CHKA: variants seen among roughly 807,000 people sequenced by gnomAD.
The protein encoded by CHKA is CHETK-alpha.
CHKA carries 34 observed loss-of-function variants against 60.1 expected under a neutral mutation model. That is an observed-to-expected ratio of 0.57 (90% CI 0.43 to 0.75). CHKA has a LOEUF of 0.75. CHKA is among the 30% of genes least tolerant of loss of function. CHKA has a pLI of 0.00. For missense variants in CHKA, 563 were observed against 561.3 expected (o/e 1.00, Z -0.03); for synonymous variants, 217 against 223.1 (o/e 0.97, Z 0.24).
chr11:68,083,824 C>T (rs918872169), intron 2 of CHKA, among the ~76,000 whole-genome samples: 2 of 152,160 alleles, frequency 1.3e-5, no homozygotes, highest in Non-Finnish European at 1.5e-5. Context: ...TCTGTTTCCT[C>T]AGTACAGAAT....
At chr11:68,092,682 C>CA (rs1857386863) in intron 2 of CHKA, among the ~76,000 whole-genome samples, 1 of 152,170 alleles carries the variant, frequency 6.6e-6, no homozygotes, top group Admixed American at 6.5e-5. Flanking sequence ...CAACAGTCTC[C>CA]AATGGCCATT....
chr11:68,111,286 C>T (rs1205172949), intron 1 of CHKA, among the ~76,000 whole-genome samples: 1 of 152,028 alleles, frequency 6.6e-6, no homozygotes, highest in Non-Finnish European at 1.5e-5. Flanking sequence ...GTGGTGGGCG[C>T]CTGTAACCCC....
Position 68,065,114 on chromosome 11 carries a change from C to T in CHKA, c.1126-483G>A, listed in dbSNP as rs535779592. 7.2e-5 allele frequency among the ~76,000 whole-genome samples: 11 copies of T among 152,264 alleles called. No homozygotes were observed. In the East Asian group the frequency reaches 2.1e-3, roughly 29 times the overall value. ...TGTTAACACCAAAGATATTTCCTCC[C>T]ACTACTAAACCCTGGTGCCCGAAAG... On this transcript the variant is annotated intron_variant, in intron 9 of 11. Transcript: ENST00000265689.
intron 11 of CHKA, among the ~76,000 whole-genome samples, chr11:68,056,470 G>T (rs1856019915): frequency 6.6e-6 from 1 of 152,202 alleles, no homozygotes; most frequent in Admixed American, 6.5e-5. Context: ...GCTAGGTTTA[G>T]ATCACACCTT....
At chr11:68,061,512 G>A (rs965492971) in intron 11 of CHKA, 64 of 250,342 alleles carry the variant, frequency 2.6e-4, no homozygotes, top group South Asian at 8.3e-4. Context: ...ACCCAAAGTC[G>A]GGCACTACAG....
intron 2 of CHKA, 169 bp from the exon 3 acceptor site, chr11:68,081,626 G>A (rs1312168631): frequency 1.7e-6 from 1 of 580,542 alleles, no homozygotes; most frequent in Non-Finnish European, 3.1e-6. Flanking sequence ...GCAGCCTCCA[G>A]CACTAGTACC....
At chr11:68,112,911 T>C (rs971676644) in intron 1 of CHKA, among the ~76,000 whole-genome samples, 2 of 151,090 alleles carry the variant, frequency 1.3e-5, no homozygotes, top group Non-Finnish European at 3.0e-5. Context: ...TGAAACCCCA[T>C]CTCTACTAAA....
At position 68,121,100 on chromosome 11, in the gene CHKA, G is replaced by T; in HGVS notation, c.78C>A (p.Ser26Arg). The change falls in exon 1 of 12, where the codon AGC (serine) becomes AGA (arginine). Residue 26 changes from serine (S) to arginine (R), a missense_variant. Transcript: ENST00000265689. ...LGLLLSCGSG[S>R]AAPAPGVGQQ... Reference sequence around the variant, plus strand: ...GCCCCACGCCGGGCGCCGGGGCCGCGCTGCCGCTACCGCAGCTCAGCAGCA... The same window carrying T: ...GCCCCACGCCGGGCGCCGGGGCCGCTCTGCCGCTACCGCAGCTCAGCAGCA... 1 of 1,156,046 alleles carries T rather than the reference G, an allele frequency of 8.7e-7. No homozygotes were observed. Among genetic ancestry groups the T allele is most frequent in the South Asian group, 3.1e-5 (1 of 32,006 alleles). 71.6% of individuals were successfully genotyped at this position (1,156,046 alleles called of 1,614,324 possible). A position where few individuals can be genotyped will look rare whatever the true frequency, so the allele number is the denominator to read the frequency against.
rs1037643755 is a variant in CHKA, at chr11:68,069,044, C to T, written c.870-107G>A. ...CAAATTCGTGCTCCAAAGCAACACACAGTTTCAGAGTAGTATCTGTGATGT... is the reference window on the plus strand; with the variant it reads ...CAAATTCGTGCTCCAAAGCAACACATAGTTTCAGAGTAGTATCTGTGATGT... On this transcript the variant is annotated intron_variant, in intron 6 of 11. Transcript: ENST00000265689. 26 of 760,870 alleles carry T rather than the reference C, an allele frequency of 3.4e-5. No homozygotes were observed. In the African/African-American group the frequency reaches 4.5e-4, roughly 13 times the overall value. 47.1% of individuals were successfully genotyped at this position (760,870 alleles called of 1,614,324 possible).
chr11:68,063,369 A>G (rs1054592230), intron 10 of CHKA, among the ~76,000 whole-genome samples: 3 of 152,044 alleles, frequency 2.0e-5, no homozygotes, highest in Non-Finnish European at 4.4e-5. Flanking sequence ...GCATGGTGGT[A>G]CGTGCCTGTA....
At chr11:68,074,904 G>C in intron 3 of CHKA, 74 bp from the exon 4 acceptor site, 1 of 1,292,252 alleles carries the variant, frequency 7.7e-7, no homozygotes. Flanking sequence ...CACTCTCACA[G>C]GAGTGTTTCA....
In CHKA at chr11:68,084,400, ACG is replaced by A. The variant is rs1167941112; in HGVS notation, c.463-2945_463-2944del. On this transcript the variant is annotated intron_variant, in intron 2 of 11. Coordinates refer to ENST00000265689, the MANE Select transcript of CHKA (RefSeq NM_001277.3). ...TATGTGTATATATATACACACATATACGTATATATGTGTATATATATATACAC... is the reference window on the plus strand; with the variant it reads ...TATGTGTATATATATACACACATATATATATATGTGTATATATATATACAC... Among the ~76,000 whole-genome samples, 52 of 109,802 alleles carry A rather than the reference ACG, an allele frequency of 4.7e-4. 1 individual carries two copies. The highest frequency in any genetic ancestry group is 1.2e-3 in the Admixed American group (12 of 9,958). 72.0% of individuals were successfully genotyped at this position (109,802 alleles called of 152,430 possible).
chr11:68,075,021 G>C (rs1231463593), intron 3 of CHKA, among the ~76,000 whole-genome samples, 191 bp from the exon 4 acceptor site: 4 of 152,184 alleles, frequency 2.6e-5, no homozygotes, highest in African/African-American at 9.7e-5. Flanking sequence ...GTCATTTGCA[G>C]GATTCATGCT....
intron 2 of CHKA, among the ~76,000 whole-genome samples, chr11:68,087,373 T>C (rs1161478578): frequency 1.3e-5 from 2 of 151,922 alleles, no homozygotes. Flanking sequence ...TCTCAGCTAC[T>C]TGGAAGGCTG....
chr11:68,084,538 T>C (rs1190789206), intron 2 of CHKA, among the ~76,000 whole-genome samples: 2 of 150,614 alleles, frequency 1.3e-5, no homozygotes, highest in African/African-American at 2.4e-5. Context: ...TATAAATATT[T>C]AGTATGACAT....
intron 11 of CHKA, among the ~76,000 whole-genome samples, chr11:68,054,897 GCACATAAATGC>G (rs957390278): frequency 6.6e-6 from 1 of 152,154 alleles, no homozygotes; most frequent in Non-Finnish European, 1.5e-5. Flanking sequence ...TCCTAGAGTA[GCACATAAATGC>G]CACTATACAA....
chr11:68,065,539 A>C (rs1041131307), intron 9 of CHKA, among the ~76,000 whole-genome samples: 1 of 152,070 alleles, frequency 6.6e-6, no homozygotes, highest in African/African-American at 2.4e-5. Context: ...ATCTCTACAA[A>C]AAATACAAAC....
chr11:68,063,919 CTG>C (rs1158188925), intron 10 of CHKA, among the ~76,000 whole-genome samples: 1 of 152,204 alleles, frequency 6.6e-6, no homozygotes, highest in African/African-American at 2.4e-5. Flanking sequence ...CCATGCAGAA[CTG>C]TGAGTCAATT....
rs78256693 is a variant in CHKA, at chr11:68,097,179, A to G, written c.351-49T>C. 818 of 1,406,682 alleles carry G rather than the reference A, an allele frequency of 5.8e-4. 5 individuals carry two copies. In the African/African-American group the frequency reaches 9.2e-3, roughly 16 times the overall value. 87.1% of individuals were successfully genotyped at this position (1,406,682 alleles called of 1,614,324 possible). A position where few individuals can be genotyped will look rare whatever the true frequency, so the allele number is the denominator to read the frequency against. On this transcript the variant is annotated intron_variant, in intron 1 of 11. Transcript: ENST00000265689. ...AGTATCTTTATTGCAGGTGAGCTAA[A>G]TCACTCTTCTTGGATAAATATGGAT...
Sources: allele counts gnomAD v4.1 joint callset (sites outside exome capture counted in the v4.1 genomes callset), GRCh38; gene constraint gnomAD v4.1.1; transcripts MANE v1.5; gene names NCBI Gene and HGNC (gene_info 2026-07-23, HGNC 2026-07-21).